Variants in APP observed in about 807,000 individuals in gnomAD.
APP encodes amyloid-beta precursor protein.
A neutral mutation model predicts 101.4 loss-of-function variants in APP; 31 were observed. The observed-to-expected ratio is 0.31, with a 90% confidence interval of 0.23 to 0.41. The LOEUF is 0.41. Among genes scored for constraint, APP ranks in the 10% least tolerant of loss-of-function variants. The pLI, the probability that APP is intolerant of heterozygous loss-of-function variation, is 1.00. For missense variants in APP, 839 were observed against 1,003.7 expected (o/e 0.84, Z 2.22); for synonymous variants, 366 against 364.4 (o/e 1.00, Z -0.05).
At chr21:26,035,973 A>C (rs2045090751) in intron 5 of APP, among the ~76,000 whole-genome samples, 1 of 152,156 alleles carries the variant, frequency 6.6e-6, no homozygotes, top group Non-Finnish European at 1.5e-5. Context: ...TGAGAGAACC[A>C]CATTGAGGAC....
At chr21:26,121,321 T>G (rs1485840694) in intron 1 of APP, among the ~76,000 whole-genome samples, 3 of 152,216 alleles carry the variant, frequency 2.0e-5, no homozygotes, top group African/African-American at 7.2e-5. Context: ...TCCTCATACC[T>G]GCACAGTTAG....
At chr21:26,028,194 GAATA>G (rs10556702) in intron 5 of APP, among the ~76,000 whole-genome samples, 14,534 of 148,344 alleles carry the variant, frequency 0.098, 1,108 homozygotes, top group East Asian at 0.28. Context: ...AAAAAAAAAG[GAATA>G]AATAAATAAA....
At chr21:25,998,956 C>T (rs1271704244) in intron 7 of APP, among the ~76,000 whole-genome samples, 1 of 152,088 alleles carries the variant, frequency 6.6e-6, no homozygotes, top group Non-Finnish European at 1.5e-5. Flanking sequence ...TTTTATCCCC[C>T]GGAATTATGA....
rs1161739630 is a variant in APP, at chr21:26,152,284, C to CAAAAAAAAAAAAAAAA, written c.57+18264_57+18279dup. Among the ~76,000 whole-genome samples, 36 of 36,174 alleles carry CAAAAAAAAAAAAAAAA rather than the reference C, an allele frequency of 1.0e-3. 2 individuals carry two copies. Among genetic ancestry groups the CAAAAAAAAAAAAAAAA allele is most frequent in the East Asian group, 6.3e-3 (6 of 954 alleles). The allele number at this position is 36,174 out of a possible 152,430, so 23.7% of individuals were successfully genotyped here. On this transcript the variant is annotated intron_variant, in intron 1 of 17. Transcript: ENST00000346798. ...TGGGCGACAGAGCAAGACTCCATCT[C>CAAAAAAAAAAAAAAAA]AAAAAAAAAAAAAAAAAAAAAAATG...
rs116306320 is a variant in APP at position 25,925,418 on chromosome 21, T to C, written c.1688-13456A>G. Among the ~76,000 whole-genome samples the C allele has an allele frequency of 3.2e-3, 485 of 152,310 alleles. 1 individual carries two copies. The highest frequency in any genetic ancestry group is 0.011 in the African/African-American group (469 of 41,572). On this transcript the variant is annotated intron_variant, in intron 13 of 17. Transcript: ENST00000346798. ...CCTTCGCTTTGAATCCTTTTGTCTG[T>C]ACTCTTGCTACATGGGTGTTCTCTG...
intron 5 of APP, among the ~76,000 whole-genome samples, chr21:26,037,415 A>C (rs1176987210): frequency 2.0e-5 from 3 of 152,198 alleles, no homozygotes; most frequent in African/African-American, 4.8e-5. Context: ...TGAGATGAAT[A>C]TGCTGATCAG....
intron 6 of APP, among the ~76,000 whole-genome samples, chr21:26,015,745 TAGAA>T (rs368065794): frequency 1.3e-5 from 2 of 152,008 alleles, no homozygotes; most frequent in African/African-American, 2.4e-5. Context: ...GTATGTGAAA[TAGAA>T]AGAACTTCAC....
chr21:26,094,114 CAAA>C (rs539941515), intron 2 of APP, among the ~76,000 whole-genome samples: 1 of 73,138 alleles, frequency 1.4e-5, no homozygotes, highest in Non-Finnish European at 2.8e-5. Flanking sequence ...GACTCGGTCT[CAAA>C]AAAAAAAAAA....
intron 13 of APP, among the ~76,000 whole-genome samples, chr21:25,953,921 T>C (rs890578437): frequency 1.3e-5 from 2 of 152,244 alleles, no homozygotes; most frequent in Admixed American, 1.3e-4. Context: ...GATGGATGCA[T>C]GAGACCTCTC....
At chr21:25,890,506 C>T (rs2037619174) in intron 17 of APP, among the ~76,000 whole-genome samples, 1 of 152,070 alleles carries the variant, frequency 6.6e-6, no homozygotes, top group South Asian at 2.1e-4. Flanking sequence ...TTTGGGAAGC[C>T]AAGGCGGGTG....
chr21:26,007,291 G>A (rs184160937), intron 6 of APP, among the ~76,000 whole-genome samples: 209 of 149,402 alleles, frequency 1.4e-3, no homozygotes, highest in African/African-American at 5.0e-3. Flanking sequence ...AAATGAAAAC[G>A]ACATAAATAT....
At chr21:26,154,081 T>G (rs1016542008) in intron 1 of APP, among the ~76,000 whole-genome samples, 6 of 152,188 alleles carry the variant, frequency 3.9e-5, no homozygotes, top group Admixed American at 2.6e-4. Context: ...TGAAAATAAC[T>G]ATTTTACATG....
In APP at chr21:26,166,902, GAGAA is replaced by G. The variant is rs1271588463; in HGVS notation, c.57+3658_57+3661del. Among the ~76,000 whole-genome samples the G allele has an allele frequency of 8.6e-3, 324 of 37,636 alleles. 1 individual carries two copies. Among genetic ancestry groups the G allele is most frequent in the African/African-American group, 0.044 (297 of 6,726 alleles). The allele number at this position is 37,636 out of a possible 152,430, so 24.7% of individuals were successfully genotyped here. The stretch of plus-strand genomic sequence containing the variant: ...AGAGAGAGAGAGAGAGAGAGAGAGA[GAGAA>G]AGAGAGAGAAAGAGACAGAGGGTGT... On this transcript the variant is annotated intron_variant, in intron 1 of 17. Transcript: ENST00000346798.
chr21:25,914,844 C>T (rs1338626366), intron 13 of APP, among the ~76,000 whole-genome samples: 1 of 152,212 alleles, frequency 6.6e-6, no homozygotes, highest in Non-Finnish European at 1.5e-5. Context: ...TGAGCCACTG[C>T]ACCCGGCTTG....
At chr21:26,163,687 A>G (rs988570316) in intron 1 of APP, among the ~76,000 whole-genome samples, 8 of 152,154 alleles carry the variant, frequency 5.3e-5, no homozygotes, top group African/African-American at 1.4e-4. Flanking sequence ...TTATAATTAC[A>G]TGAGCTGGTT....
intron 2 of APP, among the ~76,000 whole-genome samples, chr21:26,111,111 C>CAAAAAAAAAAAAAAAAAAAAAAAAAA (rs2062311255): frequency 9.8e-6 from 1 of 101,778 alleles, no homozygotes. Flanking sequence ...AAAAAAAAAG[C>CAAAAAAAAAAAAAAAAAAAAAAAAAA]AAAGTGCAGA....
chr21:25,901,266 C>A (rs1305417022), intron 15 of APP, among the ~76,000 whole-genome samples: 2 of 141,512 alleles, frequency 1.4e-5, no homozygotes, highest in Admixed American at 1.5e-4. Context: ...CCACTGTTCT[C>A]CAGCCTGGAA....
At chr21:25,913,139 ATTCTC>A (rs1171499002) in intron 13 of APP, among the ~76,000 whole-genome samples, 1 of 152,134 alleles carries the variant, frequency 6.6e-6, no homozygotes, top group Admixed American at 6.5e-5. Flanking sequence ...CATCTTTCAA[ATTCTC>A]TTTTCTATTG....
At chr21:25,979,295 T>G (rs2042336979) in intron 9 of APP, among the ~76,000 whole-genome samples, 1 of 152,196 alleles carries the variant, frequency 6.6e-6, no homozygotes, top group Non-Finnish European at 1.5e-5. Flanking sequence ...AATTTAAAAT[T>G]CTCAGGACCT....
Sources: gnomAD v4.1 joint callset for allele counts (sites outside exome capture counted in the v4.1 genomes callset) on GRCh38, gnomAD v4.1.1 for gene constraint, MANE v1.5 for transcripts, NCBI Gene and HGNC (gene_info 2026-07-23, HGNC 2026-07-21) for gene names.